Variants in BTBD9 observed in about 807,000 individuals in gnomAD.
The protein encoded by BTBD9 is BTB/POZ domain-containing protein 9.
BTBD9 carries 49 observed loss-of-function variants against 64.3 expected under a neutral mutation model. That is an observed-to-expected ratio of 0.76 (90% CI 0.61 to 0.97). The LOEUF (loss-of-function observed/expected upper bound fraction) is 0.97, where lower values mean the gene tolerates loss of function less well. BTBD9 is among the 50% of genes least tolerant of loss of function. The probability of loss-of-function intolerance (pLI) is 0.00; values close to 1 mark genes in which losing one functional copy is unlikely to be tolerated. For missense variants in BTBD9, 598 were observed against 762.1 expected (o/e 0.78, Z 2.53); for synonymous variants, 260 against 274.7 (o/e 0.95, Z 0.53).
chr6:38,561,908 T>C (rs1224814943), intron 6 of BTBD9, among the ~76,000 whole-genome samples: 1 of 152,104 alleles, frequency 6.6e-6, no homozygotes, highest in Admixed American at 6.5e-5. Flanking sequence ...AACCTGCATA[T>C]GTGCCCCCCG....
chr6:38,623,588 C>A (rs1373300369), intron 1 of BTBD9, among the ~76,000 whole-genome samples: 2 of 152,164 alleles, frequency 1.3e-5, no homozygotes, highest in Admixed American at 1.3e-4. Flanking sequence ...GTTGTTTTTA[C>A]ACTAACCAGT....
Position 38,580,067 on chromosome 6 carries a change from C to T in BTBD9, c.1034+151G>A, listed in dbSNP as rs543065621. ...GTGTATTTCTTTTAAAGAAATATATCCTTTAACTCCTTCCCCAAAACCAAC... is the reference window on the plus strand; with the variant it reads ...GTGTATTTCTTTTAAAGAAATATATTCTTTAACTCCTTCCCCAAAACCAAC... On this transcript the variant is annotated intron_variant, in intron 5 of 10. Coordinates refer to ENST00000481247, the MANE Select transcript of BTBD9 (RefSeq NM_001099272.2). 35 of 643,664 alleles carry T rather than the reference C, an allele frequency of 5.4e-5. No homozygotes were observed. The African/African-American group carries it at 6.2e-4, about 11-fold the overall frequency. The allele number at this position is 643,664 out of a possible 1,614,324, so 39.9% of individuals were successfully genotyped here.
chr6:38,220,007 T>C (rs541265803), intron 9 of BTBD9, among the ~76,000 whole-genome samples: 1 of 152,238 alleles, frequency 6.6e-6, no homozygotes, highest in Non-Finnish European at 1.5e-5. Context: ...TTAAAATACC[T>C]AACCAACCAC....
chr6:38,437,040 C>G (rs1477014235), intron 6 of BTBD9, among the ~76,000 whole-genome samples: 1 of 152,144 alleles, frequency 6.6e-6, no homozygotes, highest in Non-Finnish European at 1.5e-5. Context: ...CAATCAAACA[C>G]AGTATCAAAA....
intron 6 of BTBD9, among the ~76,000 whole-genome samples, chr6:38,430,506 C>T (rs1004512487): frequency 4.1e-5 from 6 of 147,904 alleles, no homozygotes; most frequent in African/African-American, 1.5e-4. Flanking sequence ...CATGACCCAC[C>T]GCAGCTGAAA....
intron 6 of BTBD9, among the ~76,000 whole-genome samples, chr6:38,474,520 C>G (rs143633651): frequency 6.6e-6 from 1 of 151,652 alleles, no homozygotes; most frequent in African/African-American, 2.4e-5. Context: ...GAGACTCTGT[C>G]TCAAGAAAGA....
At chr6:38,482,062 C>T (rs948365699) in intron 6 of BTBD9, 1 of 152,158 alleles carries the variant, frequency 6.6e-6, no homozygotes, top group African/African-American at 2.4e-5. Context: ...TGTGTTTCTT[C>T]CCAGTCCAAG....
Position 38,544,514 on chromosome 6 carries a change from A to G in BTBD9, c.1154+33086T>C, listed in dbSNP as rs73412309. Among the ~76,000 whole-genome samples the G allele has an allele frequency of 3.7e-3, 570 of 152,268 alleles. 2 individuals are homozygous for G. Among genetic ancestry groups the G allele is most frequent in the African/African-American group, 0.013 (548 of 41,544 alleles). On this transcript the variant is annotated intron_variant, in intron 6 of 10. Coordinates refer to ENST00000481247, the MANE Select transcript of BTBD9 (RefSeq NM_001099272.2). ...CCCACTGAAAGGGTGTCATCTGAGG[A>G]AAACTGGAAGGAGGTGAGAAATGAA...
At position 38,564,625 on chromosome 6, in the gene BTBD9, A is replaced by C. The variant is rs186785932; in HGVS notation, c.1154+12975T>G. Among the ~76,000 whole-genome samples, 683 of 152,262 alleles carry C rather than the reference A, an allele frequency of 4.5e-3. 6 individuals carry two copies. The highest frequency in any genetic ancestry group is 0.015 in the African/African-American group (634 of 41,558). ...ACTATATGGCCGAGCACGGTGACTCACGCCTGTAATCCCAGCACTTTGGGA... is the reference window on the plus strand; with the variant it reads ...ACTATATGGCCGAGCACGGTGACTCCCGCCTGTAATCCCAGCACTTTGGGA... On this transcript the variant is annotated intron_variant, in intron 6 of 10. Coordinates refer to ENST00000481247, the MANE Select transcript of BTBD9 (RefSeq NM_001099272.2).
chr6:38,451,772 T>C (rs1186545508), intron 6 of BTBD9, among the ~76,000 whole-genome samples: 2 of 152,180 alleles, frequency 1.3e-5, no homozygotes, highest in Non-Finnish European at 2.9e-5. Context: ...TTCTATGAAC[T>C]GCACTCTGAA....
intron 7 of BTBD9, among the ~76,000 whole-genome samples, chr6:38,302,978 T>C (rs1344992762): frequency 1.3e-5 from 2 of 152,198 alleles, no homozygotes; most frequent in African/African-American, 4.8e-5. Flanking sequence ...TTTGCCCATT[T>C]TCCATTGGAT....
chr6:38,494,899 T>G (rs12214533), intron 6 of BTBD9, among the ~76,000 whole-genome samples: 7,130 of 152,296 alleles, frequency 0.047, 250 homozygotes, highest in Middle Eastern at 0.14. Flanking sequence ...AGTAAACACT[T>G]ATAATATTCT....
chr6:38,364,447 A>G (rs1400850643), intron 6 of BTBD9, among the ~76,000 whole-genome samples: 1 of 152,192 alleles, frequency 6.6e-6, no homozygotes, highest in Non-Finnish European at 1.5e-5. Context: ...GTGATATGTA[A>G]TTTTCTATGC....
chr6:38,363,543 A>G (rs904108806), intron 6 of BTBD9, among the ~76,000 whole-genome samples: 1 of 152,336 alleles, frequency 6.6e-6, no homozygotes, highest in Non-Finnish European at 1.5e-5. Flanking sequence ...TGATTGCACC[A>G]CTGCAATATA....
intron 9 of BTBD9, among the ~76,000 whole-genome samples, chr6:38,204,160 T>C (rs182867782): frequency 6.6e-6 from 1 of 152,302 alleles, no homozygotes; most frequent in African/African-American, 2.4e-5. Flanking sequence ...GAAAACAACC[T>C]GGCAGTTCCT....
At chr6:38,324,726 C>G (rs1356407800) in intron 7 of BTBD9, among the ~76,000 whole-genome samples, 2 of 152,074 alleles carry the variant, frequency 1.3e-5, no homozygotes, top group Non-Finnish European at 2.9e-5. Context: ...TATGAACTGA[C>G]AGGAAGACAA....
chr6:38,187,608 GA>G (rs1427992576), intron 10 of BTBD9, among the ~76,000 whole-genome samples: 2 of 152,152 alleles, frequency 1.3e-5, no homozygotes, highest in Non-Finnish European at 2.9e-5. Context: ...GCAGGGAGCA[GA>G]GGACGACAGA....
chr6:38,238,479 T>G (rs1053653108), intron 9 of BTBD9, among the ~76,000 whole-genome samples: 7 of 148,248 alleles, frequency 4.7e-5, no homozygotes, highest in African/African-American at 1.0e-4. Context: ...GGTTTTTTGT[T>G]TTTTTTTTTT....
At chr6:38,588,823 T>C (rs1236968139) in intron 4 of BTBD9, among the ~76,000 whole-genome samples, 1 of 152,210 alleles carries the variant, frequency 6.6e-6, no homozygotes, top group East Asian at 1.9e-4. Flanking sequence ...AATGCTAGTG[T>C]AAGGTTTAGT....
Sources: gnomAD v4.1 joint callset for allele counts (sites outside exome capture counted in the v4.1 genomes callset) on GRCh38, gnomAD v4.1.1 for gene constraint, MANE v1.5 for transcripts, NCBI Gene and HGNC (gene_info 2026-07-23, HGNC 2026-07-21) for gene names.